GPHN: variants seen among roughly 807,000 people sequenced by gnomAD.
GPHN encodes gephyrin.
In GPHN, 17 loss-of-function variants were observed where a neutral mutation model predicts 95.5. The observed-to-expected ratio is 0.18, with a 90% CI of 0.12 to 0.27. The LOEUF (loss-of-function observed/expected upper bound fraction) is 0.27, where lower values mean the gene tolerates loss of function less well. GPHN is among the 10% of genes least tolerant of loss of function. GPHN has a pLI of 1.00. For synonymous variants in GPHN, 320 were observed against 322.5 expected (o/e 0.99, Z 0.08); for missense variants, 660 against 978.1 (o/e 0.67, Z 4.34).
chr14:66,827,714 A>G (rs1353416583), intron 4 of GPHN, among the ~76,000 whole-genome samples: 1 of 152,054 alleles, frequency 6.6e-6, no homozygotes, highest in African/African-American at 2.4e-5. Flanking sequence ...ATGTCCATGA[A>G]GTCTTTAGAA....
intron 1 of GPHN, among the ~76,000 whole-genome samples, chr14:66,671,129 C>G (rs1229131934): frequency 6.6e-6 from 1 of 152,130 alleles, no homozygotes; most frequent in Non-Finnish European, 1.5e-5. Flanking sequence ...TTGCAAATGT[C>G]TTTTCATGAA....
Position 66,540,554 on chromosome 14 carries a change from T to C in GPHN, c.64+31963T>C, listed in dbSNP as rs575663709. ...TCCGTGATAATCAGTGATGATACTT[T>C]GGTGTATGTTCAGGACTGAAACCTT... On this transcript the variant is annotated intron_variant, in intron 1 of 22. Coordinates refer to ENST00000478722, the MANE Select transcript of GPHN (RefSeq NM_020806.5). 2.2e-3 allele frequency among the ~76,000 whole-genome samples: 329 copies of C among 152,340 alleles called. 4 individuals are homozygous for C. The highest frequency in any genetic ancestry group is 4.0e-3 in the Non-Finnish European group (273 of 68,024).
intron 2 of GPHN, among the ~76,000 whole-genome samples, chr14:66,724,238 T>G (rs1204318268): frequency 1.3e-5 from 2 of 152,166 alleles, no homozygotes; most frequent in Admixed American, 1.3e-4. Context: ...GGAGGGTTTT[T>G]TTTTAAGATT....
At chr14:67,036,459 C>G (rs1280431208) in intron 10 of GPHN, among the ~76,000 whole-genome samples, 1 of 143,036 alleles carries the variant, frequency 7.0e-6, no homozygotes, top group Non-Finnish European at 1.5e-5. Context: ...ATGACATGAT[C>G]TTATGTAGAA....
chr14:66,734,710 T>C lies in GPHN; in HGVS notation c.144-41754T>C, dbSNP rs1013811549. On this transcript the variant is annotated intron_variant, in intron 2 of 22. Transcript: ENST00000478722. ...GTAAAGTCTGAACTATAATGAAGGA[T>C]CATAATCATAGCAAACATTTATGTA... is the stretch of plus-strand genomic sequence containing the variant. Among the ~76,000 whole-genome samples, 3 of 152,336 alleles carry C rather than the reference T, an allele frequency of 2.0e-5. No homozygotes were observed. The South Asian group carries it at 6.2e-4, about 32-fold the overall frequency.
chr14:67,070,715 A>AAAAAAAAAAAAAATATATATAT, intron 11 of GPHN, among the ~76,000 whole-genome samples: 7 of 80,696 alleles, frequency 8.7e-5, no homozygotes, highest in African/African-American at 6.3e-4. Context: ...AAAAAAAAAA[A>AAAAAAAAAAAAAATATATATAT]ATATATATAT....
chr14:66,526,413 C>A (rs1047171067), intron 1 of GPHN, among the ~76,000 whole-genome samples: 3 of 152,186 alleles, frequency 2.0e-5, no homozygotes, highest in African/African-American at 7.2e-5. Flanking sequence ...AATATACAAT[C>A]ATGTTATCTG....
chr14:67,193,294 CTATCTATATATCTCTATATAGA>C, the GPHN span, among the ~76,000 whole-genome samples: 3,671 of 134,038 alleles, frequency 0.027, 83 homozygotes, highest in Admixed American at 0.035. Context: ...ATATAGACAT[CTATCTATATATCTCTATATAGA>C]TATCTATATA....
At chr14:66,912,682 A>G (rs967423421) in intron 5 of GPHN, among the ~76,000 whole-genome samples, 1 of 152,088 alleles carries the variant, frequency 6.6e-6, no homozygotes, top group Non-Finnish European at 1.5e-5. Flanking sequence ...ATCATCTCCA[A>G]TGCCTTAAGA....
intron 10 of GPHN, among the ~76,000 whole-genome samples, chr14:67,026,988 T>G (rs934167203): frequency 1.3e-5 from 2 of 152,098 alleles, no homozygotes; most frequent in Non-Finnish European, 2.9e-5. Flanking sequence ...CTAATTAATT[T>G]CAATAAGGCC....
At chr14:67,330,718 A>G in the GPHN span, among the ~76,000 whole-genome samples, 3 of 151,516 alleles carry the variant, frequency 2.0e-5, no homozygotes, top group African/African-American at 7.3e-5. Context: ...TCAGCCTTCC[A>G]AAGTGCTGGG....
At chr14:66,623,833 A>G (rs2063411595) in intron 1 of GPHN, among the ~76,000 whole-genome samples, 1 of 152,048 alleles carries the variant, frequency 6.6e-6, no homozygotes, top group Non-Finnish European at 1.5e-5. Flanking sequence ...CCTTGGTCCC[A>G]TGTGGGAAGG....
intron 1 of GPHN, among the ~76,000 whole-genome samples, chr14:66,607,650 A>G (rs1335345443): frequency 1.3e-5 from 2 of 151,272 alleles, no homozygotes. Flanking sequence ...TTTTGTTGGT[A>G]GGTTTTTAAT....
rs185172088 is a variant in GPHN, at chr14:67,075,947, T to C, written c.1145-13036T>C. Among the ~76,000 whole-genome samples the C allele has an allele frequency of 5.9e-5, 9 of 152,276 alleles. No homozygotes were observed. The South Asian group carries it at 1.0e-3, about 18-fold the overall frequency. ...GATTTAGAATATTACATAAACTTAG[T>C]TGGTAAAGTAGTGACAGGATTTAAG... On this transcript the variant is annotated intron_variant, in intron 11 of 22. Transcript: ENST00000478722.
chr14:66,585,005 A>G lies in GPHN; in HGVS notation c.64+76414A>G, dbSNP rs2061360786. Among the ~76,000 whole-genome samples the G allele has an allele frequency of 3.9e-5, 6 of 152,226 alleles. No individual in the cohort carries two copies. The South Asian group carries it at 1.0e-3, about 26-fold the overall frequency. On this transcript the variant is annotated intron_variant, in intron 1 of 22. Coordinates refer to ENST00000478722, the MANE Select transcript of GPHN (RefSeq NM_020806.5). ...TACCTCTGGTGGAATTTGGCTGTGA[A>G]TCCATCTGGTCCTGGACTTTTTTTG...
the GPHN span, among the ~76,000 whole-genome samples, chr14:67,234,608 G>A: frequency 4.1e-4 from 63 of 152,156 alleles, no homozygotes; most frequent in African/African-American, 1.0e-3. Flanking sequence ...GGAGTGCCGT[G>A]GTGCGATCTT....
intron 9 of GPHN, chr14:66,969,174 A>G (rs1175114914): frequency 6.6e-6 from 1 of 152,092 alleles, no homozygotes; most frequent in Non-Finnish European, 1.5e-5. Flanking sequence ...TTTATATCAT[A>G]TATTTTCTTT....
At chr14:66,750,534 GGGA>G (rs1161586289) in intron 2 of GPHN, among the ~76,000 whole-genome samples, 1 of 151,904 alleles carries the variant, frequency 6.6e-6, no homozygotes, top group Non-Finnish European at 1.5e-5. Context: ...GTGGAGGTGA[GGGA>G]GGAGGATGAC....
intron 20 of GPHN, among the ~76,000 whole-genome samples, chr14:67,167,643 A>T (rs1309271066): frequency 6.6e-6 from 1 of 152,192 alleles, no homozygotes; most frequent in Non-Finnish European, 1.5e-5. Context: ...AGCAGTGTTT[A>T]GCCATGCCAA....
Sources: allele counts gnomAD v4.1 joint callset (sites outside exome capture counted in the v4.1 genomes callset), GRCh38; gene constraint gnomAD v4.1.1; transcripts MANE v1.5; gene names NCBI Gene and HGNC (gene_info 2026-07-23, HGNC 2026-07-21).